Variants in PTPRD observed in about 807,000 individuals in gnomAD.
PTPRD encodes the protein protein tyrosine phosphatase receptor type D.
A neutral mutation model predicts 214.5 loss-of-function variants in PTPRD; 34 were observed. That is an observed-to-expected ratio of 0.16 (90% CI 0.12 to 0.21). PTPRD has a LOEUF of 0.21. Among genes scored for constraint, PTPRD ranks in the 10% least tolerant of loss-of-function variants. PTPRD has a pLI of 1.00. For missense variants in PTPRD, 2,545 were observed against 2,398.7 expected, an observed-to-expected ratio of 1.06 and a Z score of -1.27; for synonymous variants, 1,128 against 845.7, an observed-to-expected ratio of 1.33 and a Z score of -5.79.
At chr9:8,859,480 TAAA>T in intron 11 of PTPRD, among the ~76,000 whole-genome samples, 1 of 152,270 alleles carries the variant, frequency 6.6e-6, no homozygotes, top group East Asian at 1.9e-4. Context: ...TCAGAAAGGT[TAAA>T]TAAAGTAAAG....
At position 8,352,623 on chromosome 9, in the gene PTPRD, G is replaced by C. The variant is rs1445016964; in HGVS notation, c.4662-10645C>G. ...CCTGCTCAGTCCACACAGCAGGCTT[G>C]TCATTAGAAATATAAATGCTATTAC... On this transcript the variant is annotated intron_variant, in intron 39 of 45. Transcript: ENST00000381196. Among the ~76,000 whole-genome samples the C allele has an allele frequency of 3.3e-5, 5 of 152,066 alleles. No individual in the cohort carries two copies. In the South Asian group the frequency reaches 6.2e-4, roughly 19 times the overall value.
chr9:9,724,152 T>C (rs1433898921), intron 7 of PTPRD, among the ~76,000 whole-genome samples: 2 of 152,170 alleles, frequency 1.3e-5, no homozygotes, highest in Non-Finnish European at 2.9e-5. Flanking sequence ...TGACTTCTAG[T>C]TTCAGTACAG....
chr9:8,931,850 T>C (rs2098954924), intron 11 of PTPRD, among the ~76,000 whole-genome samples: 2 of 152,182 alleles, frequency 1.3e-5, no homozygotes, highest in East Asian at 3.9e-4. Context: ...GAACTTGTTA[T>C]TGGCTTATTC....
intron 5 of PTPRD, among the ~76,000 whole-genome samples, chr9:9,801,246 A>T (rs924864618): frequency 8.5e-5 from 13 of 152,110 alleles, no homozygotes; most frequent in African/African-American, 3.1e-4. Context: ...TTTCATGCAT[A>T]TAAGTCCTCT....
intron 7 of PTPRD, among the ~76,000 whole-genome samples, chr9:9,676,812 G>A (rs948863322): frequency 1.1e-4 from 17 of 151,982 alleles, no homozygotes; most frequent in South Asian, 2.1e-4. Flanking sequence ...TTTAATGATC[G>A]CCATTTTAAC....
chr9:9,917,267 T>C (rs1433533943), intron 5 of PTPRD, among the ~76,000 whole-genome samples: 6 of 113,890 alleles, frequency 5.3e-5, no homozygotes, highest in African/African-American at 2.0e-4. Flanking sequence ...GTTGGGTTTC[T>C]GAGAAGATGA....
At chr9:8,524,779 CT>C (rs2097976081) in intron 18 of PTPRD, 145 bp downstream of exon 18, 1 of 784,372 alleles carries the variant, frequency 1.3e-6, no homozygotes, top group African/African-American at 1.7e-5. Context: ...AAATTTTTAA[CT>C]TTTCTATTTA....
intron 36 of PTPRD, 88 bp downstream of exon 36, chr9:8,404,449 T>C: frequency 6.8e-7 from 1 of 1,481,234 alleles, no homozygotes; most frequent in Non-Finnish European, 9.1e-7. Context: ...CTTTCAGAGA[T>C]GGTTAATAAC....
At chr9:8,951,082 T>C (rs927637343) in intron 11 of PTPRD, among the ~76,000 whole-genome samples, 1 of 151,898 alleles carries the variant, frequency 6.6e-6, no homozygotes, top group African/African-American at 2.4e-5. Context: ...ATTATCTTTC[T>C]TATTTTAAGG....
intron 2 of PTPRD, among the ~76,000 whole-genome samples, chr9:10,345,896 C>G (rs1212752001): frequency 6.6e-6 from 1 of 152,142 alleles, no homozygotes; most frequent in African/African-American, 2.4e-5. Flanking sequence ...AAAAGCATTC[C>G]TATTTCTCCA....
chr9:10,078,661 A>G (rs756933239), intron 3 of PTPRD, among the ~76,000 whole-genome samples: 3 of 151,922 alleles, frequency 2.0e-5, no homozygotes, highest in Non-Finnish European at 4.4e-5. Flanking sequence ...TGAGTTAATC[A>G]TTATTTACCA....
intron 10 of PTPRD, among the ~76,000 whole-genome samples, chr9:9,130,753 G>C (rs2099841382): frequency 6.6e-6 from 1 of 152,110 alleles, no homozygotes; most frequent in South Asian, 2.1e-4. Flanking sequence ...GGAAATCTTT[G>C]ATTGAGTGTA....
At chr9:9,868,087 C>A (rs1251182277) in intron 5 of PTPRD, among the ~76,000 whole-genome samples, 2 of 152,154 alleles carry the variant, frequency 1.3e-5, no homozygotes, top group African/African-American at 4.8e-5. Flanking sequence ...CTACAGCCCA[C>A]AGGTGCAGAT....
intron 5 of PTPRD, among the ~76,000 whole-genome samples, chr9:9,874,033 T>C (rs765472852): frequency 1.4e-4 from 22 of 152,176 alleles, no homozygotes; most frequent in Non-Finnish European, 2.8e-4. Flanking sequence ...AAGATATTTT[T>C]AGGACCTCAC....
rs374239460 is a variant in PTPRD, at chr9:9,052,292, G to A, written c.-142-33557C>T. Among the ~76,000 whole-genome samples the A allele has an allele frequency of 1.6e-4, 24 of 152,260 alleles. No individual in the cohort carries two copies. The East Asian group carries it at 3.9e-3, about 25-fold the overall frequency. ...ACCTCCTAATATCAACATCTTGGGT[G>A]TTGGAATTTCAATATATGAATTTGG... is the stretch of plus-strand genomic sequence containing the variant. On this transcript the variant is annotated intron_variant, in intron 10 of 45. Transcript: ENST00000381196.
chr9:10,024,655 G>T (rs1265286805), intron 4 of PTPRD, among the ~76,000 whole-genome samples: 1 of 151,348 alleles, frequency 6.6e-6, no homozygotes, highest in South Asian at 2.1e-4. Context: ...TATACTTTAA[G>T]TTTTAGGGTA....
chr9:8,324,014 C>T (rs984870562), intron 44 of PTPRD, among the ~76,000 whole-genome samples: 7 of 151,900 alleles, frequency 4.6e-5, no homozygotes, highest in African/African-American at 9.7e-5. Flanking sequence ...CACCGCCCAT[C>T]GATTAGTCAG....
intron 4 of PTPRD, among the ~76,000 whole-genome samples, chr9:9,954,830 A>C (rs911313100): frequency 5.3e-5 from 8 of 152,316 alleles, no homozygotes; most frequent in African/African-American, 1.9e-4. Context: ...ATTTTCCTTC[A>C]AATGGCTATA....
At chr9:9,611,210 C>A (rs184732334) in intron 7 of PTPRD, among the ~76,000 whole-genome samples, 1 of 152,148 alleles carries the variant, frequency 6.6e-6, no homozygotes, top group Non-Finnish European at 1.5e-5. Context: ...AACATCTCTG[C>A]ACATAAAGCC....
Sources: gnomAD v4.1 joint callset for allele counts (sites outside exome capture counted in the v4.1 genomes callset) on GRCh38, gnomAD v4.1.1 for gene constraint, MANE v1.5 for transcripts, NCBI Gene and HGNC (gene_info 2026-07-23, HGNC 2026-07-21) for gene names.